Variants in GPHN observed in about 807,000 individuals in gnomAD.
GPHN encodes the protein gephyrin.
In GPHN, 17 loss-of-function variants were observed where a neutral mutation model predicts 95.5. The ratio of observed to expected loss-of-function variants is 0.18; its 90% CI spans 0.12 to 0.27. GPHN has a LOEUF of 0.27. Among genes scored for constraint, GPHN ranks in the 10% least tolerant of loss-of-function variants. The pLI is 1.00. For missense variants in GPHN, 660 were observed against 978.1 expected (o/e 0.67, Z 4.34); for synonymous variants, 320 against 322.5 (o/e 0.99, Z 0.08).
intron 11 of GPHN, among the ~76,000 whole-genome samples, chr14:67,066,308 G>T (rs910664696): frequency 2.0e-5 from 3 of 152,196 alleles, no homozygotes; most frequent in Non-Finnish European, 4.4e-5. Context: ...CAGTTAGTCT[G>T]ATGGGCTTCC....
the GPHN span, chr14:67,600,229 C>T: frequency 1.9e-6 from 3 of 1,542,342 alleles, no homozygotes; most frequent in Admixed American, 3.8e-5. Context: ...CCGCCCGCAC[C>T]GCGCGGCGCT....
At chr14:66,668,815 C>T (rs1362785369) in intron 1 of GPHN, among the ~76,000 whole-genome samples, 1 of 151,894 alleles carries the variant, frequency 6.6e-6, no homozygotes, top group East Asian at 1.9e-4. Flanking sequence ...TTCCTTCTAG[C>T]CTTTCTGGTT....
chr14:67,111,790 A>G lies in GPHN; in HGVS notation c.1414-71A>G. 5.3e-6 allele frequency: 6 copies of G among 1,128,320 alleles called. No individual in the cohort carries two copies. The South Asian group carries it at 7.4e-5, about 14-fold the overall frequency. 69.9% of individuals were successfully genotyped at this position (1,128,320 alleles called of 1,614,324 possible). On this transcript the variant is annotated intron_variant, in intron 14 of 22. Transcript: ENST00000478722. The stretch of plus-strand genomic sequence containing the variant: ...ATATCCTGGGCCTATCTGATGGTAA[A>G]AGTATCGGAGTAACTAAATTCTACT...
At chr14:67,404,936 G>C in the GPHN span, among the ~76,000 whole-genome samples, 2 of 151,900 alleles carry the variant, frequency 1.3e-5, no homozygotes, top group African/African-American at 2.4e-5. Flanking sequence ...AGTGGATACA[G>C]AGTAATAAGA....
At chr14:66,797,203 T>G (rs1244692475) in intron 3 of GPHN, among the ~76,000 whole-genome samples, 1 of 151,930 alleles carries the variant, frequency 6.6e-6, no homozygotes, top group Non-Finnish European at 1.5e-5. Flanking sequence ...TCTGTTTTTA[T>G]GTCAGTATCA....
At chr14:67,338,198 A>G in the GPHN span, 25 of 154,892 alleles carry the variant, frequency 1.6e-4, no homozygotes. Context: ...TTTGAGAAGT[A>G]CCATGGTAAC....
At chr14:67,568,391 A>G in the GPHN span, among the ~76,000 whole-genome samples, 1 of 152,196 alleles carries the variant, frequency 6.6e-6, no homozygotes, top group African/African-American at 2.4e-5. Context: ...TGGGAGCTGG[A>G]CAATGAGAAC....
the GPHN span, among the ~76,000 whole-genome samples, chr14:67,491,834 C>T: frequency 6.6e-6 from 1 of 152,200 alleles, no homozygotes; most frequent in Non-Finnish European, 1.5e-5. Context: ...TTCCAGATTC[C>T]CTGAGGGGAA....
At chr14:67,586,392 T>A in the GPHN span, 1 of 1,362,762 alleles carries the variant, frequency 7.3e-7, no homozygotes, top group Non-Finnish European at 9.6e-7. Flanking sequence ...AGTCCTCAGT[T>A]GGGTGCTTAC....
chr14:67,172,072 T>C (rs1180070525), intron 21 of GPHN, among the ~76,000 whole-genome samples: 1 of 152,128 alleles, frequency 6.6e-6, no homozygotes, highest in African/African-American at 2.4e-5. Flanking sequence ...CACTACACCA[T>C]GTTGGAATTG....
chr14:66,833,273 G>A (rs2061651467), intron 4 of GPHN, among the ~76,000 whole-genome samples: 1 of 152,130 alleles, frequency 6.6e-6, no homozygotes, highest in African/African-American at 2.4e-5. Flanking sequence ...GAAGTACAGA[G>A]CAACAGGGGG....
chr14:67,651,378 T>C, the GPHN span: 2 of 1,613,550 alleles, frequency 1.2e-6, no homozygotes, highest in Non-Finnish European at 8.5e-7. Context: ...CCCTTCCCTA[T>C]AGAAGTTCAA....
chr14:67,439,135 G>C, the GPHN span, among the ~76,000 whole-genome samples: 10 of 152,186 alleles, frequency 6.6e-5, no homozygotes, highest in Non-Finnish European at 1.3e-4. Flanking sequence ...ACTGGATATT[G>C]TTTTGTGACT....
intron 6 of GPHN, among the ~76,000 whole-genome samples, chr14:66,918,542 G>C (rs779806706): frequency 6.6e-6 from 1 of 152,108 alleles, no homozygotes; most frequent in Non-Finnish European, 1.5e-5. Context: ...ACAGATGAAT[G>C]AAAGTCCATG....
chr14:67,330,154 A>ATTATT, the GPHN span, among the ~76,000 whole-genome samples: 1 of 105,728 alleles, frequency 9.5e-6, no homozygotes, highest in African/African-American at 5.1e-5. Flanking sequence ...TAATAATAAT[A>ATTATT]ATTATTATTA....
chr14:67,385,192 T>G, the GPHN span: 1 of 152,296 alleles, frequency 6.6e-6, no homozygotes, highest in African/African-American at 2.4e-5. Flanking sequence ...TCATACACCT[T>G]GCTAACCTAA....
At chr14:67,374,277 CT>C in the GPHN span, among the ~76,000 whole-genome samples, 2 of 152,158 alleles carry the variant, frequency 1.3e-5, no homozygotes, top group African/African-American at 4.8e-5. Context: ...ATCCAAAACA[CT>C]TTTGGTCCCA....
chr14:67,386,279 T>G, the GPHN span: 1 of 152,648 alleles, frequency 6.6e-6, no homozygotes, highest in African/African-American at 2.4e-5. Context: ...AGCTTGTGAT[T>G]TCTCATTATT....
At chr14:66,674,412 T>A (rs749405930) in intron 1 of GPHN, among the ~76,000 whole-genome samples, 28 of 152,018 alleles carry the variant, frequency 1.8e-4, no homozygotes, top group Non-Finnish European at 3.5e-4. Flanking sequence ...TCCTATTATC[T>A]ACCTTTAAGT....
Sources: gnomAD v4.1 joint callset for allele counts (sites outside exome capture counted in the v4.1 genomes callset) on GRCh38, gnomAD v4.1.1 for gene constraint, MANE v1.5 for transcripts, NCBI Gene and HGNC (gene_info 2026-07-23, HGNC 2026-07-21) for gene names.